The following PARVA variants were observed in gnomAD, a reference collection of about 807,000 sequenced individuals.
PARVA encodes parvin alpha.
PARVA carries 25 observed loss-of-function variants against 52.6 expected under a neutral mutation model. The observed-to-expected ratio is 0.48, with a 90% confidence interval of 0.35 to 0.66. The LOEUF is 0.66. Among genes scored for constraint, PARVA ranks in the 30% least tolerant of loss-of-function variants. The probability of loss-of-function intolerance (pLI) is 0.01; values close to 1 mark genes in which losing one functional copy is unlikely to be tolerated. For synonymous variants in PARVA, 185 were observed against 179.1 expected (o/e 1.03, Z -0.26); for missense variants, 373 against 450.9 (o/e 0.83, Z 1.56).
chr11:12,418,041 CAAAA>C (rs1012274520), intron 1 of PARVA, among the ~76,000 whole-genome samples: 42 of 152,296 alleles, frequency 2.8e-4, no homozygotes, highest in African/African-American at 9.4e-4. Context: ...GAGAAAAAAA[CAAAA>C]AACATCTGAA....
intron 1 of PARVA, among the ~76,000 whole-genome samples, chr11:12,463,235 G>T (rs1323660937): frequency 6.6e-6 from 1 of 151,788 alleles, no homozygotes; most frequent in African/African-American, 2.4e-5. Context: ...TTATATTATT[G>T]ATATTACTAT....
intron 1 of PARVA, among the ~76,000 whole-genome samples, chr11:12,416,843 A>G (rs1589949565): frequency 1.3e-5 from 2 of 152,114 alleles, no homozygotes; most frequent in Admixed American, 1.3e-4. Flanking sequence ...AGGTGAGAGC[A>G]TGAGGGCTGA....
intron 7 of PARVA, among the ~76,000 whole-genome samples, 155 bp from the exon 8 acceptor site, chr11:12,511,359 G>A (rs1345754279): frequency 6.6e-6 from 1 of 152,164 alleles, no homozygotes; most frequent in Non-Finnish European, 1.5e-5. Context: ...AAATGCCAAT[G>A]GAAGGAGGCT....
chr11:12,394,981 C>T (rs926725848), intron 1 of PARVA, among the ~76,000 whole-genome samples: 1 of 151,892 alleles, frequency 6.6e-6, no homozygotes. Flanking sequence ...ATCCCAGCTA[C>T]TTGGGAGGTG....
intron 5 of PARVA, among the ~76,000 whole-genome samples, chr11:12,498,053 AG>A: frequency 6.6e-6 from 1 of 152,140 alleles, no homozygotes; most frequent in Non-Finnish European, 1.5e-5. Context: ...ATTTTTTTGT[AG>A]AGACAGAGTC....
In PARVA at chr11:12,512,963, C is replaced by T. The variant is rs75830558; in HGVS notation, c.737-336C>T. ...ATAACATTCTCCCTCTACAGAGGTT[C>T]AGAAACACCTGAACAATAGCTACGT... On this transcript the variant is annotated intron_variant, in intron 8 of 12. Transcript: ENST00000334956. Among the ~76,000 whole-genome samples, 1,351 of 152,250 alleles carry T rather than the reference C, an allele frequency of 8.9e-3. 20 individuals are homozygous for T. The highest frequency in any genetic ancestry group is 0.031 in the African/African-American group (1,284 of 41,518).
chr11:12,525,165 CG>C (rs1308455257), intron 12 of PARVA, among the ~76,000 whole-genome samples: 5 of 152,108 alleles, frequency 3.3e-5, no homozygotes, highest in African/African-American at 9.7e-5. Flanking sequence ...GTAGGCAGGT[CG>C]GGTCAGGTTA....
intron 1 of PARVA, among the ~76,000 whole-genome samples, chr11:12,420,929 G>A (rs866048858): frequency 6.6e-6 from 1 of 151,938 alleles, no homozygotes; most frequent in African/African-American, 2.4e-5. Context: ...AATGGAAGGA[G>A]TTAGCTGCCA....
At chr11:12,460,661 C>A (rs796864401) in intron 1 of PARVA, among the ~76,000 whole-genome samples, 8 of 152,288 alleles carry the variant, frequency 5.3e-5, no homozygotes, top group African/African-American at 1.4e-4. Context: ...CCAAGGTTAC[C>A]TCTTAGGAAT....
chr11:12,513,373 T>G lies in PARVA; in HGVS notation c.798+13T>G, dbSNP rs1389348779. ...TGTGGTGAAAAAGGTGGGAAAGGGG[T>G]GCCTGGGATGGACAGAGGGAAGCGA... On this transcript the variant is annotated intron_variant, in intron 9 of 12. Coordinates refer to ENST00000334956, the MANE Select transcript of PARVA (RefSeq NM_018222.5). The G allele has an allele frequency of 3.7e-6, 6 of 1,611,534 alleles. No individual in the cohort carries two copies. Among genetic ancestry groups the G allele is most frequent in the Non-Finnish European group, 5.1e-6 (6 of 1,177,802 alleles).
intron 4 of PARVA, among the ~76,000 whole-genome samples, chr11:12,485,106 A>AC (rs1297015153): frequency 6.6e-6 from 1 of 151,918 alleles, no homozygotes; most frequent in African/African-American, 2.4e-5. Flanking sequence ...GAGCCACCTC[A>AC]CCCAGCCAGA....
chr11:12,393,532 C>G (rs954757877), intron 1 of PARVA, among the ~76,000 whole-genome samples: 1 of 152,136 alleles, frequency 6.6e-6, no homozygotes, highest in Non-Finnish European at 1.5e-5. Flanking sequence ...GGATCCAGGC[C>G]CCTTTCATCT....
intron 1 of PARVA, among the ~76,000 whole-genome samples, chr11:12,388,136 C>G (rs1204728807): frequency 6.6e-6 from 1 of 152,190 alleles, no homozygotes; most frequent in Non-Finnish European, 1.5e-5. Context: ...TTCAGCCCTC[C>G]CCCAAAAGAC....
chr11:12,433,847 T>C (rs1039091236), intron 1 of PARVA, among the ~76,000 whole-genome samples: 1 of 152,218 alleles, frequency 6.6e-6, no homozygotes, highest in Non-Finnish European at 1.5e-5. Context: ...ATTGTTTAGA[T>C]TATCCTGTTG....
chr11:12,421,541 G>A (rs1940149609), intron 1 of PARVA, among the ~76,000 whole-genome samples: 1 of 152,160 alleles, frequency 6.6e-6, no homozygotes, highest in Admixed American at 6.5e-5. Context: ...ACTTCACATG[G>A]TCTTAAGATA....
chr11:12,423,242 G>C (rs1308861136), intron 1 of PARVA, among the ~76,000 whole-genome samples: 1 of 148,042 alleles, frequency 6.8e-6, no homozygotes, highest in Admixed American at 6.8e-5. Context: ...GCAGTGGCGT[G>C]AACACAGCTC....
At chr11:12,453,865 G>T (rs1940658436) in intron 1 of PARVA, among the ~76,000 whole-genome samples, 2 of 152,184 alleles carry the variant, frequency 1.3e-5, no homozygotes, top group African/African-American at 4.8e-5. Flanking sequence ...GGAGCCCAAG[G>T]GATGGCCATG....
Position 12,531,873 on chromosome 11 carries a change from T to G in PARVA, c.*3948T>G, listed in dbSNP as rs1448032848. ...AGACTGACTCACCACCTATGGGACC[T>G]GCCTCCACACATCAGCTTCCCAAAT... On this transcript the variant is annotated 3_prime_UTR_variant, in exon 13 of 13. Transcript: ENST00000334956. 1.3e-5 allele frequency among the ~76,000 whole-genome samples: 2 copies of G among 152,168 alleles called. No individual in the cohort carries two copies. Among genetic ancestry groups the G allele is most frequent in the Non-Finnish European group, 2.9e-5 (2 of 68,036 alleles).
Position 12,401,477 on chromosome 11 carries a change from C to T in PARVA, c.136+23694C>T, listed in dbSNP as rs938030108. On this transcript the variant is annotated intron_variant, in intron 1 of 12. Transcript: ENST00000334956. Reference sequence around the variant, plus strand: ...CTGTTTTTCAAAAAGCACCTACTAACCTCTTGCACAGTACCATTCTGCAGC... The same window carrying T: ...CTGTTTTTCAAAAAGCACCTACTAATCTCTTGCACAGTACCATTCTGCAGC... Among the ~76,000 whole-genome samples the T allele has an allele frequency of 2.6e-5, 4 of 152,218 alleles. No individual in the cohort carries two copies. In the South Asian group the frequency reaches 8.3e-4, roughly 32 times the overall value.
Sources: gnomAD v4.1 joint callset for allele counts (sites outside exome capture counted in the v4.1 genomes callset) on GRCh38, gnomAD v4.1.1 for gene constraint, MANE v1.5 for transcripts, NCBI Gene and HGNC (gene_info 2026-07-23, HGNC 2026-07-21) for gene names.